Variants in LRRC4C observed in about 807,000 individuals in gnomAD.
The protein encoded by LRRC4C is leucine rich repeat containing 4C.
In LRRC4C, 5 loss-of-function variants were observed where a neutral mutation model predicts 33.6. That is an observed-to-expected ratio of 0.15 (90% CI 0.08 to 0.31). LRRC4C has a LOEUF of 0.31. LRRC4C is among the 10% of genes least tolerant of loss of function. LRRC4C has a pLI of 1.00. For missense variants in LRRC4C, 560 were observed against 796.7 expected (o/e 0.70, Z 3.58); for synonymous variants, 329 against 302.0 (o/e 1.09, Z -0.93).
chr11:40,683,332 C>G (rs1239177709), intron 2 of LRRC4C, among the ~76,000 whole-genome samples: 1 of 152,160 alleles, frequency 6.6e-6, no homozygotes, highest in African/African-American at 2.4e-5. Context: ...AAATCAAACA[C>G]TCCTATTATT....
intron 3 of LRRC4C, among the ~76,000 whole-genome samples, chr11:40,441,900 C>T (rs1027654168): frequency 8.5e-5 from 13 of 152,126 alleles, no homozygotes; most frequent in African/African-American, 9.7e-5. Flanking sequence ...CCGTGGCTCA[C>T]GCCTGTAATC....
chr11:41,258,660 A>C (rs1330497140), intron 1 of LRRC4C, among the ~76,000 whole-genome samples: 2 of 152,038 alleles, frequency 1.3e-5, no homozygotes, highest in African/African-American at 4.8e-5. Flanking sequence ...GAACTCAATA[A>C]ATTTTAGCTG....
At chr11:40,597,578 G>C (rs564790629) in intron 3 of LRRC4C, among the ~76,000 whole-genome samples, 2 of 152,104 alleles carry the variant, frequency 1.3e-5, no homozygotes, top group Non-Finnish European at 2.9e-5. Flanking sequence ...ACATGTAATA[G>C]TAACAGTAAG....
intron 1 of LRRC4C, among the ~76,000 whole-genome samples, chr11:41,290,682 C>T (rs12285299): frequency 0.13 from 19,353 of 152,076 alleles, 1,366 homozygotes; most frequent in Middle Eastern, 0.24. Context: ...TTTAATGAGA[C>T]TTAAAAAACT....
At chr11:40,963,698 C>T (rs1212555878) in intron 1 of LRRC4C, among the ~76,000 whole-genome samples, 2 of 151,830 alleles carry the variant, frequency 1.3e-5, no homozygotes, top group African/African-American at 2.4e-5. Flanking sequence ...AAAAAGCACC[C>T]AGGCAGGAAT....
chr11:40,440,426 A>G (rs528214921), intron 3 of LRRC4C, among the ~76,000 whole-genome samples: 1 of 152,064 alleles, frequency 6.6e-6, no homozygotes, highest in African/African-American at 2.4e-5. Flanking sequence ...TATTTAAAGT[A>G]GAATATATAT....
At chr11:40,330,833 A>G (rs1946328854) in intron 3 of LRRC4C, among the ~76,000 whole-genome samples, 1 of 152,314 alleles carries the variant, frequency 6.6e-6, no homozygotes, top group South Asian at 2.1e-4. Context: ...GTTAGGACAC[A>G]GCCAAACCAT....
At chr11:40,417,258 G>A (rs1258093907) in intron 3 of LRRC4C, among the ~76,000 whole-genome samples, 3 of 152,024 alleles carry the variant, frequency 2.0e-5, no homozygotes, top group Admixed American at 6.6e-5. Flanking sequence ...GGCAATAAAC[G>A]AACTCAATAC....
intron 1 of LRRC4C, among the ~76,000 whole-genome samples, chr11:41,318,559 C>T (rs1235457468): frequency 1.3e-5 from 2 of 152,204 alleles, no homozygotes; most frequent in African/African-American, 4.8e-5. Flanking sequence ...GCTCCACTAT[C>T]TACTTTTCTC....
intron 1 of LRRC4C, among the ~76,000 whole-genome samples, chr11:41,229,880 C>A (rs1947705639): frequency 6.6e-6 from 1 of 152,088 alleles, no homozygotes; most frequent in Non-Finnish European, 1.5e-5. Flanking sequence ...ACTGAAGCAT[C>A]TAAAAGCTCT....
At chr11:41,049,998 G>A (rs1051699815) in intron 1 of LRRC4C, among the ~76,000 whole-genome samples, 9 of 152,170 alleles carry the variant, frequency 5.9e-5, no homozygotes, top group Non-Finnish European at 1.2e-4. Flanking sequence ...ATGGAATATG[G>A]AGGAAAATTT....
At chr11:41,034,027 C>T (rs1291092286) in intron 1 of LRRC4C, among the ~76,000 whole-genome samples, 2 of 151,930 alleles carry the variant, frequency 1.3e-5, no homozygotes, top group African/African-American at 4.8e-5. Context: ...TTTATTTTAG[C>T]ATTAATAAAC....
rs75252035 is a variant in LRRC4C, at chr11:40,926,990, T to C, written c.-407+6645A>G. Reference sequence around the variant, plus strand: ...TGATATTTCCAAAATGAGTATGCTGTTGTAAAACATAAAGCTAATCAATAA... The same window carrying C: ...TGATATTTCCAAAATGAGTATGCTGCTGTAAAACATAAAGCTAATCAATAA... On this transcript the variant is annotated intron_variant, in intron 2 of 6. Transcript: ENST00000528697. 5.9e-5 allele frequency among the ~76,000 whole-genome samples: 9 copies of C among 152,296 alleles called. No homozygotes were observed. In the East Asian group the frequency reaches 1.7e-3, roughly 29 times the overall value.
intron 1 of LRRC4C, among the ~76,000 whole-genome samples, chr11:41,113,278 G>A (rs1941945856): frequency 6.6e-6 from 1 of 151,978 alleles, no homozygotes; most frequent in African/African-American, 2.4e-5. Context: ...CAGACCCACT[G>A]CAAAGCCCCC....
chr11:40,274,952 T>C (rs1462497334), intron 4 of LRRC4C, among the ~76,000 whole-genome samples: 2 of 152,168 alleles, frequency 1.3e-5, no homozygotes, highest in African/African-American at 2.4e-5. Context: ...CTAATGTTTA[T>C]AGCTTATGGC....
intron 2 of LRRC4C, among the ~76,000 whole-genome samples, chr11:40,780,323 C>T (rs1021868528): frequency 3.3e-5 from 5 of 152,132 alleles, no homozygotes; most frequent in Non-Finnish European, 7.4e-5. Flanking sequence ...TGTGGACCTA[C>T]ATACACAGGA....
intron 1 of LRRC4C, among the ~76,000 whole-genome samples, chr11:41,341,689 A>C (rs1480841329): frequency 4.6e-5 from 7 of 152,226 alleles, no homozygotes; most frequent in Admixed American, 4.6e-4. Flanking sequence ...CATGAGGCTA[A>C]AGAATGCAAG....
At chr11:41,244,682 T>G (rs1047121548) in intron 1 of LRRC4C, among the ~76,000 whole-genome samples, 2 of 152,228 alleles carry the variant, frequency 1.3e-5, no homozygotes, top group Non-Finnish European at 2.9e-5. Flanking sequence ...AATAAAAGCC[T>G]CAGCTTTCTT....
At chr11:41,196,533 G>A (rs11036284) in intron 1 of LRRC4C, among the ~76,000 whole-genome samples, 79,052 of 151,892 alleles carry the variant, frequency 0.52, 23,359 homozygotes, top group Non-Finnish European at 0.67. Context: ...AATAGAAGAG[G>A]AATAAATACT....
Sources: gnomAD v4.1 joint callset for allele counts (sites outside exome capture counted in the v4.1 genomes callset) on GRCh38, gnomAD v4.1.1 for gene constraint, MANE v1.5 for transcripts, NCBI Gene and HGNC (gene_info 2026-07-23, HGNC 2026-07-21) for gene names.